The following GDAP1 variants were observed in gnomAD, a reference collection of about 807,000 sequenced individuals.
GDAP1 encodes the protein ganglioside induced differentiation associated protein 1.
A neutral mutation model predicts 40.1 loss-of-function variants in GDAP1; 34 were observed. The ratio of observed to expected loss-of-function variants is 0.85; its 90% CI spans 0.64 to 1.13. The LOEUF (loss-of-function observed/expected upper bound fraction) is 1.13. GDAP1 is among the 50% of genes most tolerant of loss of function. GDAP1 has a pLI of 0.00. For missense variants in GDAP1, 374 were observed against 433.7 expected (o/e 0.86, Z 1.22); for synonymous variants, 170 against 157.4 (o/e 1.08, Z -0.60).
At chr8:74,397,709 A>G (rs1261137498) in intron 2 of GDAP1, among the ~76,000 whole-genome samples, 1 of 151,860 alleles carries the variant, frequency 6.6e-6, no homozygotes, top group Non-Finnish European at 1.5e-5. Flanking sequence ...TGTTCCATTG[A>G]TCTATATCTC....
At position 74,365,632 on chromosome 8, in the gene GDAP1, A is replaced by G. The variant is rs2131525495; in HGVS notation, c.*1265A>G. On this transcript the variant is annotated 3_prime_UTR_variant, in exon 6 of 6. Transcript: ENST00000220822. ...GGTCCCAGTGAACAACAGTAGCCAA[A>G]GAATGTACTAACTTTATCATTAATA... 2.2e-6 allele frequency: 1 copy of G among 454,532 alleles called. No homozygotes were observed. The highest frequency in any genetic ancestry group is 7.0e-5 in the East Asian group (1 of 14,386). 28.2% of individuals were successfully genotyped at this position (454,532 alleles called of 1,614,324 possible).
intron 2 of GDAP1, among the ~76,000 whole-genome samples, chr8:74,432,744 C>T (rs897588147): frequency 5.3e-5 from 8 of 152,158 alleles, no homozygotes; most frequent in Non-Finnish European, 8.8e-5. Context: ...TCTAAAAATT[C>T]GCTTTATTGG....
At chr8:74,446,124 G>T (rs962466514) in intron 2 of GDAP1, among the ~76,000 whole-genome samples, 1 of 152,112 alleles carries the variant, frequency 6.6e-6, no homozygotes, top group Non-Finnish European at 1.5e-5. Flanking sequence ...GGGGAGCTGG[G>T]TTGCTATCAG....
chr8:74,380,841 C>A (rs1457615794), intron 2 of GDAP1, among the ~76,000 whole-genome samples: 1 of 152,184 alleles, frequency 6.6e-6, no homozygotes, highest in East Asian at 1.9e-4. Context: ...GGGACTCTTC[C>A]ACCAGCTCAC....
intron 2 of GDAP1, among the ~76,000 whole-genome samples, chr8:74,478,261 T>C (rs1378771532): frequency 2.0e-5 from 3 of 151,670 alleles, no homozygotes; most frequent in African/African-American, 7.3e-5. Context: ...TGCACACATG[T>C]GTTGGTGGGG....
intron 2 of GDAP1, among the ~76,000 whole-genome samples, chr8:74,476,305 T>C (rs1048447586): frequency 1.3e-5 from 2 of 152,214 alleles, no homozygotes; most frequent in African/African-American, 4.8e-5. Context: ...TATTGATATG[T>C]GTGGATTTGA....
intron 2 of GDAP1, among the ~76,000 whole-genome samples, chr8:74,385,236 G>A (rs1325095099): frequency 6.6e-6 from 1 of 151,824 alleles, no homozygotes; most frequent in Non-Finnish European, 1.5e-5. Flanking sequence ...GTGCAGGTTT[G>A]TTACATAGGT....
intron 2 of GDAP1, among the ~76,000 whole-genome samples, chr8:74,481,403 T>C (rs1337748358): frequency 6.6e-6 from 1 of 152,238 alleles, no homozygotes; most frequent in African/African-American, 2.4e-5. Flanking sequence ...ATTCCTGACA[T>C]TGTAGTCCTA....
At chr8:74,475,607 T>A (rs1252059724) in intron 2 of GDAP1, among the ~76,000 whole-genome samples, 1 of 152,218 alleles carries the variant, frequency 6.6e-6, no homozygotes, top group East Asian at 1.9e-4. Flanking sequence ...GCTACTTTTT[T>A]AGTCTTGAAT....
chr8:74,360,852 G>T (rs1378667384), intron 3 of GDAP1, among the ~76,000 whole-genome samples: 1 of 152,192 alleles, frequency 6.6e-6, no homozygotes, highest in African/African-American at 2.4e-5. Flanking sequence ...TGTGGAGCAG[G>T]AGGTGTGCTT....
chr8:74,468,910 A>G (rs141622836), intron 2 of GDAP1, among the ~76,000 whole-genome samples: 15 of 152,278 alleles, frequency 9.9e-5, no homozygotes, highest in Admixed American at 3.9e-4. Flanking sequence ...GTTATGCATA[A>G]TGCTGACTTT....
intron 2 of GDAP1, among the ~76,000 whole-genome samples, chr8:74,407,077 G>A (rs555564233): frequency 1.3e-5 from 2 of 149,816 alleles, no homozygotes; most frequent in Non-Finnish European, 2.9e-5. Flanking sequence ...CTTATGTTAT[G>A]TAATTTTTAG....
intron 2 of GDAP1, among the ~76,000 whole-genome samples, chr8:74,417,757 CAAAAAAAAAAA>C (rs71269993): frequency 1.3e-5 from 1 of 75,938 alleles, no homozygotes; most frequent in African/African-American, 5.8e-5. Flanking sequence ...AACTCCATCT[CAAAAAAAAAAA>C]AAAAAAAAAA....
chr8:74,484,715 A>G (rs1806753798), intron 2 of GDAP1, among the ~76,000 whole-genome samples: 2 of 152,142 alleles, frequency 1.3e-5, no homozygotes, highest in African/African-American at 2.4e-5. Flanking sequence ...ACAGAGGAAC[A>G]TCAGTAGATG....
Position 74,385,331 on chromosome 8 carries a change from G to T in GDAP1, c.165+34010G>T, listed in dbSNP as rs186668613. The stretch of plus-strand genomic sequence containing the variant: ...TCCTAATGCTATCCGTCCCCTAACC[G>T]CCCCCACCACCAACAGGCCCCGGTG... On this transcript the variant is annotated intron_variant, in intron 2 of 2. Transcript: ENST00000523640. Among the ~76,000 whole-genome samples the T allele has an allele frequency of 4.4e-3, 675 of 151,694 alleles. 1 individual carries two copies. The highest frequency in any genetic ancestry group is 7.1e-3 in the Non-Finnish European group (484 of 67,916).
downstream of GDAP1, among the ~76,000 whole-genome samples, chr8:74,369,463 A>G (rs1809711761): frequency 6.6e-6 from 1 of 152,180 alleles, no homozygotes; most frequent in Non-Finnish European, 1.5e-5. Flanking sequence ...AAAATTACAT[A>G]AGTGAAAAAT....
intron 2 of GDAP1, among the ~76,000 whole-genome samples, chr8:74,486,113 T>G (rs1806773309): frequency 6.6e-6 from 1 of 152,166 alleles, no homozygotes; most frequent in African/African-American, 2.4e-5. Context: ...GTTACACACA[T>G]AGGCTGATAG....
intron 2 of GDAP1, among the ~76,000 whole-genome samples, chr8:74,397,601 A>G (rs1169698321): frequency 1.3e-5 from 2 of 152,106 alleles, no homozygotes; most frequent in Non-Finnish European, 2.9e-5. Flanking sequence ...AGCACCATTT[A>G]TTAAATAGGG....
Position 74,406,805 on chromosome 8 carries a change from C to T in GDAP1, c.165+55484C>T, listed in dbSNP as rs115798930. ...GGCTTTTGACAAATAATTGTTCAGG[C>T]TGGTACTAGGGAAGTCCCAGAAATT... On this transcript the variant is annotated intron_variant, in intron 2 of 2. Transcript: ENST00000523640. Among the ~76,000 whole-genome samples, 965 of 149,828 alleles carry T rather than the reference C, an allele frequency of 6.4e-3. 102 individuals are homozygous for T. The highest frequency in any genetic ancestry group is 0.022 in the African/African-American group (864 of 39,248).
Sources: gnomAD v4.1 joint callset for allele counts (sites outside exome capture counted in the v4.1 genomes callset) on GRCh38, gnomAD v4.1.1 for gene constraint, MANE v1.5 for transcripts, NCBI Gene and HGNC (gene_info 2026-07-23, HGNC 2026-07-21) for gene names.